Variants in PDE7B observed in about 807,000 individuals in gnomAD.
PDE7B encodes the protein phosphodiesterase 7B.
PDE7B carries 29 observed loss-of-function variants against 56.2 expected under a neutral mutation model. The observed-to-expected ratio is 0.52, with a 90% CI of 0.38 to 0.70. PDE7B has a LOEUF of 0.70. Among genes scored for constraint, PDE7B ranks in the 30% least tolerant of loss-of-function variants. The probability of loss-of-function intolerance (pLI) is 0.00; values close to 1 mark genes in which losing one functional copy is unlikely to be tolerated. For missense variants in PDE7B, 490 were observed against 565.0 expected (o/e 0.87, Z 1.35); for synonymous variants, 197 against 196.9 (o/e 1.00, Z 0.00).
chr6:136,175,113 C>G (rs1044786308), intron 9 of PDE7B, among the ~76,000 whole-genome samples: 1 of 152,120 alleles, frequency 6.6e-6, no homozygotes, highest in African/African-American at 2.4e-5. Context: ...CTGTTTGTTA[C>G]TCAATATTTC....
intron 2 of PDE7B, among the ~76,000 whole-genome samples, chr6:135,998,495 G>T (rs1323448805): frequency 6.6e-6 from 1 of 152,130 alleles, no homozygotes; most frequent in African/African-American, 2.4e-5. Flanking sequence ...GGTGGCTCAC[G>T]CCTGTAATCC....
chr6:135,943,419 T>C (rs1318252555), intron 1 of PDE7B, among the ~76,000 whole-genome samples: 3 of 152,124 alleles, frequency 2.0e-5, no homozygotes, highest in Non-Finnish European at 4.4e-5. Context: ...AGCCAGTGGT[T>C]AGTGGGTGAG....
intron 2 of PDE7B, among the ~76,000 whole-genome samples, chr6:136,093,761 TGGTTTACAG>T (rs1220896902): frequency 6.6e-6 from 1 of 152,212 alleles, no homozygotes; most frequent in Non-Finnish European, 1.5e-5. Flanking sequence ...ATGCAGGACC[TGGTTTACAG>T]GGAAAGATAA....
intron 3 of PDE7B, among the ~76,000 whole-genome samples, chr6:136,139,825 T>G (rs546994004): frequency 4.6e-5 from 7 of 152,204 alleles, no homozygotes; most frequent in Non-Finnish European, 1.0e-4. Flanking sequence ...TTGTTTGTTT[T>G]TTTCTTGTAA....
intron 1 of PDE7B, among the ~76,000 whole-genome samples, chr6:135,881,208 C>A (rs1022921910): frequency 2.6e-5 from 4 of 151,858 alleles, no homozygotes; most frequent in Admixed American, 2.6e-4. Flanking sequence ...TATAAAGAAA[C>A]AGTAAGGGGC....
chr6:136,193,275 T>C lies in PDE7B; in HGVS notation c.*1435T>C, dbSNP rs1201638991. 2 of 152,704 alleles carry C rather than the reference T, an allele frequency of 1.3e-5. No individual in the cohort carries two copies. Among genetic ancestry groups the C allele is most frequent in the Non-Finnish European group, 2.9e-5 (2 of 68,048 alleles). The allele number at this position is 152,704 out of a possible 1,614,324, so 9.5% of individuals were successfully genotyped here. ...AAGTACTTTTGGTGTTTGGTTGGTGTGCATTTCTTTAGTGTCGATAGTAAC... is the reference window on the plus strand; with the variant it reads ...AAGTACTTTTGGTGTTTGGTTGGTGCGCATTTCTTTAGTGTCGATAGTAAC... On this transcript the variant is annotated 3_prime_UTR_variant, in exon 13 of 13. Coordinates refer to ENST00000308191, the MANE Select transcript of PDE7B (RefSeq NM_018945.4).
At chr6:135,923,467 A>C (rs1421471164) in intron 1 of PDE7B, among the ~76,000 whole-genome samples, 1 of 152,232 alleles carries the variant, frequency 6.6e-6, no homozygotes, top group African/African-American at 2.4e-5. Context: ...TGAAATGTTT[A>C]GTATATGATT....
intron 1 of PDE7B, among the ~76,000 whole-genome samples, chr6:135,919,457 A>G (rs1774024370): frequency 6.6e-6 from 1 of 152,178 alleles, no homozygotes; most frequent in African/African-American, 2.4e-5. Flanking sequence ...TCTACACTTA[A>G]TCATGTCCTC....
At chr6:135,940,717 G>A (rs185470969) in intron 1 of PDE7B, among the ~76,000 whole-genome samples, 138 of 152,278 alleles carry the variant, frequency 9.1e-4, no homozygotes, top group Non-Finnish European at 1.8e-3. Flanking sequence ...TCAATGTCAG[G>A]TTTCGCCCTT....
intron 1 of PDE7B, among the ~76,000 whole-genome samples, chr6:135,924,142 T>C (rs541329840): frequency 2.6e-5 from 4 of 152,344 alleles, no homozygotes; most frequent in African/African-American, 7.2e-5. Context: ...AGAAAGTATT[T>C]AGAAAAAAAC....
intron 1 of PDE7B, among the ~76,000 whole-genome samples, chr6:135,876,508 G>C (rs529025663): frequency 6.6e-6 from 1 of 152,154 alleles, no homozygotes; most frequent in African/African-American, 2.4e-5. Flanking sequence ...TTGGAAAATG[G>C]CATCTCCTAC....
intron 2 of PDE7B, among the ~76,000 whole-genome samples, chr6:136,064,057 C>T (rs1461781775): frequency 2.0e-5 from 3 of 152,126 alleles, no homozygotes; most frequent in Non-Finnish European, 4.4e-5. Context: ...GGAGTATCAT[C>T]TGGCTTTGGA....
At chr6:135,969,160 G>C (rs528149073) in intron 2 of PDE7B, among the ~76,000 whole-genome samples, 1 of 152,014 alleles carries the variant, frequency 6.6e-6, no homozygotes, top group Admixed American at 6.6e-5. Context: ...TGGGGGTGTT[G>C]GGTGGAAGGG....
chr6:135,934,470 T>C (rs964287677), intron 1 of PDE7B, among the ~76,000 whole-genome samples: 1 of 151,820 alleles, frequency 6.6e-6, no homozygotes, highest in African/African-American at 2.4e-5. Context: ...CTCACGCCTG[T>C]AATCCCAGCA....
At chr6:135,877,293 G>A (rs1268279776) in intron 1 of PDE7B, among the ~76,000 whole-genome samples, 2 of 142,800 alleles carry the variant, frequency 1.4e-5, no homozygotes, top group Non-Finnish European at 3.1e-5. Flanking sequence ...TTCATGTCAT[G>A]TTTTGGGATT....
chr6:135,931,446 A>G (rs1774290924), intron 1 of PDE7B, among the ~76,000 whole-genome samples: 1 of 152,232 alleles, frequency 6.6e-6, no homozygotes, highest in Admixed American at 6.5e-5. Flanking sequence ...GAAATGTTTC[A>G]CTAACAAAGG....
intron 2 of PDE7B, among the ~76,000 whole-genome samples, chr6:136,068,621 CG>C (rs532211086): frequency 4.6e-5 from 7 of 151,810 alleles, no homozygotes; most frequent in Non-Finnish European, 1.0e-4. Flanking sequence ...TTAGTAGAGA[CG>C]GGGTTTCACT....
At chr6:135,920,897 C>A (rs530196629) in intron 1 of PDE7B, among the ~76,000 whole-genome samples, 2 of 152,134 alleles carry the variant, frequency 1.3e-5, no homozygotes, top group East Asian at 3.9e-4. Context: ...GACGTCACTG[C>A]GGGATTTCAA....
intron 3 of PDE7B, among the ~76,000 whole-genome samples, chr6:136,133,192 C>T (rs1436731267): frequency 6.6e-6 from 1 of 151,438 alleles, no homozygotes; most frequent in Non-Finnish European, 1.5e-5. Flanking sequence ...TGTAACTAAC[C>T]TGCACATTGT....
Sources: allele counts gnomAD v4.1 joint callset (sites outside exome capture counted in the v4.1 genomes callset), GRCh38; gene constraint gnomAD v4.1.1; transcripts MANE v1.5; gene names NCBI Gene and HGNC (gene_info 2026-07-23, HGNC 2026-07-21).